The following PDK1 variants were observed in gnomAD, a reference collection of about 807,000 sequenced individuals.
PDK1 encodes the protein [Pyruvate dehydrogenase (acetyl-transferring)] kinase isozyme 1, mitochondrial.
A neutral mutation model predicts 54.2 loss-of-function variants in PDK1; 39 were observed. The observed-to-expected ratio is 0.72, with a 90% CI of 0.56 to 0.94. PDK1 has a LOEUF of 0.94. Among genes scored for constraint, PDK1 ranks in the 40% least tolerant of loss-of-function variants. The pLI is 0.00. For missense variants in PDK1, 552 were observed against 566.0 expected, an observed-to-expected ratio of 0.98 and a Z score of 0.25; for synonymous variants, 221 against 207.1, an observed-to-expected ratio of 1.07 and a Z score of -0.58.
intron 8 of PDK1, among the ~76,000 whole-genome samples, chr2:172,577,622 T>G (rs893791538): frequency 3.3e-5 from 5 of 152,174 alleles, no homozygotes; most frequent in Non-Finnish European, 7.4e-5. Context: ...GTAATTATCC[T>G]GGGGATTACA....
the PDK1 span, among the ~76,000 whole-genome samples, chr2:172,619,262 T>G: frequency 6.6e-6 from 1 of 152,144 alleles, no homozygotes; most frequent in Non-Finnish European, 1.5e-5. Context: ...GAGAAAACCC[T>G]CAAGCCTTGC....
At chr2:172,666,505 C>G in the PDK1 span, among the ~76,000 whole-genome samples, 3 of 152,136 alleles carry the variant, frequency 2.0e-5, no homozygotes, top group Non-Finnish European at 4.4e-5. Flanking sequence ...CGCAGGTAGC[C>G]CCTACTGCTG....
At position 172,564,613 on chromosome 2, in the gene PDK1, G is replaced by C; in HGVS notation, c.521G>C (p.Ser174Thr). 6.2e-7 allele frequency: 1 copy of C among 1,614,116 alleles called. No individual in the cohort carries two copies. Among genetic ancestry groups the C allele is most frequent in the Non-Finnish European group, 8.5e-7 (1 of 1,179,970 alleles). ...AGCTTTGGGGTGGATCCTGTCACCAGCCAGAATGTTCAGTACTTTTTGGAT... is the reference window on the plus strand; with the variant it reads ...AGCTTTGGGGTGGATCCTGTCACCACCCAGAATGTTCAGTACTTTTTGGAT... The part of the protein sequence containing the change: ...KESFGVDPVT[S>T]QNVQYFLDRF... Residue 174 changes from serine (S) to threonine (T), a missense_variant, in exon 4 of 11, where the codon AGC becomes ACC. Transcript: ENST00000282077.
At chr2:172,655,949 G>C in the PDK1 span, among the ~76,000 whole-genome samples, 2 of 152,118 alleles carry the variant, frequency 1.3e-5, no homozygotes, top group Non-Finnish European at 2.9e-5. Context: ...CATGAAGCTT[G>C]GTTTCTTCGA....
the PDK1 span, among the ~76,000 whole-genome samples, chr2:172,617,760 C>T: frequency 1.3e-5 from 2 of 152,264 alleles, no homozygotes; most frequent in East Asian, 3.9e-4. Context: ...ACCATAGCAT[C>T]CTCTGAACCT....
chr2:172,659,208 C>T, the PDK1 span, among the ~76,000 whole-genome samples: 1 of 152,174 alleles, frequency 6.6e-6, no homozygotes, highest in Non-Finnish European at 1.5e-5. Flanking sequence ...CTCAGACCGC[C>T]AACACTTAGA....
the PDK1 span, among the ~76,000 whole-genome samples, chr2:172,622,284 T>TATATTATGTGAGATGTTTATATCTC: frequency 1.3e-5 from 1 of 79,926 alleles, no homozygotes; most frequent in Non-Finnish European, 2.2e-5. Flanking sequence ...TTATATCTCA[T>TATATTATGTGAGATGTTTATATCTC]ATATTATGTG....
At chr2:172,705,528 G>T in the PDK1 span, among the ~76,000 whole-genome samples, 1 of 152,286 alleles carries the variant, frequency 6.6e-6, no homozygotes, top group South Asian at 2.1e-4. Context: ...CATAATCCAG[G>T]CTTTCTGAAA....
the PDK1 span, among the ~76,000 whole-genome samples, chr2:172,653,007 T>C: frequency 1.3e-5 from 2 of 152,126 alleles, no homozygotes; most frequent in Non-Finnish European, 2.9e-5. Flanking sequence ...GAGCCCACAT[T>C]GCCAAGACAA....
At chr2:172,556,427 G>C in intron 1 of PDK1, 81 bp downstream of exon 1, 1 of 1,086,034 alleles carries the variant, frequency 9.2e-7, no homozygotes, top group Non-Finnish European at 1.2e-6. Flanking sequence ...CCGGGTCGGC[G>C]CCGGCCAGCT....
the PDK1 span, among the ~76,000 whole-genome samples, chr2:172,651,094 T>C: frequency 6.6e-6 from 1 of 152,180 alleles, no homozygotes; most frequent in Non-Finnish European, 1.5e-5. Flanking sequence ...CCTCAGCAGA[T>C]GTAAAAGAAC....
the PDK1 span, chr2:172,677,718 T>C: frequency 3.9e-5 from 6 of 152,254 alleles, no homozygotes; most frequent in Non-Finnish European, 7.3e-5. Flanking sequence ...AAGAGGCAGT[T>C]GTTAACTTCA....
At chr2:172,651,340 T>G in the PDK1 span, among the ~76,000 whole-genome samples, 29 of 152,204 alleles carry the variant, frequency 1.9e-4, 1 homozygote, top group Middle Eastern at 3.4e-3. Flanking sequence ...TAGAGGAAAA[T>G]TTATAGCACT....
the PDK1 span, among the ~76,000 whole-genome samples, chr2:172,722,419 T>C: frequency 6.6e-6 from 1 of 152,262 alleles, no homozygotes; most frequent in Non-Finnish European, 1.5e-5. Flanking sequence ...GCCAGTTATC[T>C]GTAGGTCATT....
chr2:172,569,741 T>A (rs1689144796), intron 7 of PDK1, among the ~76,000 whole-genome samples: 1 of 152,226 alleles, frequency 6.6e-6, no homozygotes, highest in Admixed American at 6.5e-5. Context: ...AGAGTTGAGG[T>A]CTCACTCTGT....
intron 9 of PDK1, 43 bp from the exon 10 acceptor site, chr2:172,592,890 AGT>A (rs772834469): frequency 3.0e-6 from 3 of 1,014,610 alleles, no homozygotes; most frequent in Non-Finnish European, 3.1e-6. Flanking sequence ...AAAGTATTTC[AGT>A]GTGTGTCTTT....
the PDK1 span, among the ~76,000 whole-genome samples, chr2:172,638,137 C>G: frequency 1.3e-5 from 2 of 152,146 alleles, no homozygotes; most frequent in Admixed American, 6.6e-5. Flanking sequence ...TGGTGATCAA[C>G]CAACCTGCCC....
the PDK1 span, among the ~76,000 whole-genome samples, chr2:172,702,602 G>C: frequency 2.2e-5 from 3 of 137,150 alleles, no homozygotes; most frequent in Admixed American, 2.2e-4. Flanking sequence ...CCTCCTAACT[G>C]CCTTTTTTTT....
the PDK1 span, among the ~76,000 whole-genome samples, chr2:172,722,647 T>C: frequency 6.6e-6 from 1 of 152,176 alleles, no homozygotes; most frequent in Non-Finnish European, 1.5e-5. Context: ...TGTGATTAAT[T>C]GGCAATAACT....
Sources: gnomAD v4.1 joint callset for allele counts (sites outside exome capture counted in the v4.1 genomes callset) on GRCh38, gnomAD v4.1.1 for gene constraint, MANE v1.5 for transcripts, NCBI Gene and HGNC (gene_info 2026-07-23, HGNC 2026-07-21) for gene names.